Variants in LIMS4 observed in about 807,000 individuals in gnomAD.
The protein encoded by LIMS4 is LIM and senescent cell antigen-like-containing domain protein 4.
At chr2:110,372,791 C>A in the LIMS4 span, among the ~76,000 whole-genome samples, 1 of 148,306 alleles carries the variant, frequency 6.7e-6, no homozygotes, top group Non-Finnish European at 1.5e-5. Flanking sequence ...CAGGAGTGAG[C>A]CACCGCGTCC....
chr2:110,373,670 T>G, the LIMS4 span, among the ~76,000 whole-genome samples: 864 of 151,308 alleles, frequency 5.7e-3, no homozygotes, highest in Non-Finnish European at 6.8e-3. Context: ...TGGTCAGCAG[T>G]AGGATGGGAG....
At chr2:110,364,940 TAA>T in the LIMS4 span, among the ~76,000 whole-genome samples, 1 of 137,362 alleles carries the variant, frequency 7.3e-6, no homozygotes, top group African/African-American at 3.0e-5. Context: ...TACATAATGG[TAA>T]AGTGTTCAAT....
the LIMS4 span, among the ~76,000 whole-genome samples, chr2:110,392,946 AC>A: frequency 3.0e-5 from 1 of 32,978 alleles, no homozygotes; most frequent in East Asian, 6.0e-4. Flanking sequence ...AGAGAGGAGA[AC>A]ATCAGTCTAG....
chr2:110,425,129 C>G, the LIMS4 span, among the ~76,000 whole-genome samples: 5 of 142,690 alleles, frequency 3.5e-5, no homozygotes, highest in African/African-American at 1.5e-4. Context: ...TCTCGAAGAC[C>G]AGGAACCCAC....
chr2:110,418,757 C>T, the LIMS4 span, among the ~76,000 whole-genome samples: 5 of 36,426 alleles, frequency 1.4e-4, no homozygotes, highest in East Asian at 1.8e-3. Context: ...CAAGCTCAAG[C>T]GATTCTCCTG....
the LIMS4 span, chr2:110,361,143 T>C: frequency 5.2e-6 from 5 of 958,640 alleles, no homozygotes; most frequent in Non-Finnish European, 8.3e-6. Flanking sequence ...GCGTCTATCA[T>C]TTCTTTCAGG....
chr2:110,411,494 G>A, the LIMS4 span, among the ~76,000 whole-genome samples: 1 of 136,560 alleles, frequency 7.3e-6, no homozygotes, highest in African/African-American at 3.3e-5. Context: ...ATCTTTTAAG[G>A]CCACTGTTGT....
At chr2:110,391,316 G>A in the LIMS4 span, among the ~76,000 whole-genome samples, 2 of 135,842 alleles carry the variant, frequency 1.5e-5, no homozygotes, top group Admixed American at 1.5e-4. Flanking sequence ...CTCTCAGGGG[G>A]CTGGACTGAG....
chr2:110,392,066 CTT>C, the LIMS4 span, among the ~76,000 whole-genome samples: 6 of 152,070 alleles, frequency 3.9e-5, no homozygotes, highest in East Asian at 3.9e-4. Context: ...AGCACATTGA[CTT>C]TGCGAAAATT....
chr2:110,367,895 A>T, the LIMS4 span, among the ~76,000 whole-genome samples: 1 of 143,622 alleles, frequency 7.0e-6, no homozygotes, highest in Non-Finnish European at 1.5e-5. Context: ...AAAGAAAAAA[A>T]ATTCTGGAAC....
chr2:110,361,003 A>T, the LIMS4 span: 144 of 1,579,500 alleles, frequency 9.1e-5, 6 homozygotes, highest in Non-Finnish European at 1.2e-4. Flanking sequence ...CCTTAAAAAC[A>T]TTGATTTCCA....
chr2:110,390,640 T>A, the LIMS4 span, among the ~76,000 whole-genome samples: 1 of 147,714 alleles, frequency 6.8e-6, no homozygotes, highest in Non-Finnish European at 1.5e-5. Context: ...CAACCTGACC[T>A]GCATTTCCTA....
the LIMS4 span, among the ~76,000 whole-genome samples, chr2:110,395,778 C>T: frequency 9.3e-6 from 1 of 107,748 alleles, no homozygotes; most frequent in Admixed American, 9.8e-5. Context: ...AGGGAAGACA[C>T]TTCTCTTTCC....
the LIMS4 span, among the ~76,000 whole-genome samples, chr2:110,379,065 G>C: frequency 6.8e-6 from 1 of 147,506 alleles, no homozygotes; most frequent in African/African-American, 2.6e-5. Context: ...GTGGCACCAT[G>C]GTGGAAGTAA....
At chr2:110,419,579 G>T in the LIMS4 span, among the ~76,000 whole-genome samples, 1 of 19,756 alleles carries the variant, frequency 5.1e-5, no homozygotes, top group South Asian at 1.8e-3. Context: ...GGCGGAGCTT[G>T]CAGTGAGCCG....
chr2:110,382,254 A>G, the LIMS4 span, among the ~76,000 whole-genome samples: 1 of 56,814 alleles, frequency 1.8e-5, no homozygotes, highest in Non-Finnish European at 3.1e-5. Flanking sequence ...ATATACAAGC[A>G]GCCAATAAAC....
At chr2:110,361,098 G>T in the LIMS4 span, 4 of 845,808 alleles carry the variant, frequency 4.7e-6, no homozygotes, top group Admixed American at 4.0e-5. Context: ...GGGACCTTGG[G>T]GTCTTCTTTT....
At chr2:110,361,984 T>G in the LIMS4 span, 30 of 1,153,920 alleles carry the variant, frequency 2.6e-5, no homozygotes, top group East Asian at 5.9e-4. Context: ...AAAAACCAAC[T>G]CTCCTTGTGT....
chr2:110,424,539 C>A, the LIMS4 span, among the ~76,000 whole-genome samples: 1 of 144,316 alleles, frequency 6.9e-6, no homozygotes, highest in Non-Finnish European at 1.5e-5. Context: ...CCTGTACCAA[C>A]CAACTTCACT....
Sources: gnomAD v4.1 joint callset for allele counts (sites outside exome capture counted in the v4.1 genomes callset) on GRCh38, gnomAD v4.1.1 for gene constraint, MANE v1.5 for transcripts, NCBI Gene and HGNC (gene_info 2026-07-23, HGNC 2026-07-21) for gene names.